The following LPCAT2 variants were observed in gnomAD, a reference collection of about 807,000 sequenced individuals.
LPCAT2 encodes 1-AGP acyltransferase 11.
In LPCAT2, 58 loss-of-function variants were observed where a neutral mutation model predicts 64.7. The ratio of observed to expected loss-of-function variants is 0.90; its 90% CI spans 0.73 to 1.12. LPCAT2 has a LOEUF of 1.12. LPCAT2 is among the 50% of genes most tolerant of loss of function. The pLI, the probability that LPCAT2 is intolerant of heterozygous loss-of-function variation, is 0.00. For missense variants in LPCAT2, 579 were observed against 669.8 expected, an observed-to-expected ratio of 0.86 and a Z score of 1.50; for synonymous variants, 252 against 245.3, an observed-to-expected ratio of 1.03 and a Z score of -0.26.
At chr16:55,549,136 A>G in intron 9 of LPCAT2, 141 bp from the exon 10 acceptor site, 1 of 587,446 alleles carries the variant, frequency 1.7e-6, no homozygotes, top group Non-Finnish European at 2.8e-6. Flanking sequence ...CTCTTTGTCA[A>G]GAAAAGCGAG....
intron 1 of LPCAT2, among the ~76,000 whole-genome samples, chr16:55,513,149 T>A (rs1453039519): frequency 6.6e-6 from 1 of 152,094 alleles, no homozygotes; most frequent in East Asian, 1.9e-4. Context: ...GACCCTAAGA[T>A]GATCAAATGT....
chr16:55,530,439 A>T (rs1256311344), intron 4 of LPCAT2, among the ~76,000 whole-genome samples: 2 of 150,546 alleles, frequency 1.3e-5, no homozygotes, highest in Non-Finnish European at 2.9e-5. Context: ...TCACCTGTAG[A>T]ACCTTTTTTC....
At position 55,579,120 on chromosome 16, in the gene LPCAT2, T is replaced by C. The variant is rs1421735914; in HGVS notation, c.1326T>C (p.Val442=). ...IIQVAFKLFD[V]DEDGYITEEE... ...TTTATTTTCTTCAGCTGTTTGACGTTGATGAGGATGGCTACATAACGGAGG... is the reference window on the plus strand; with the variant it reads ...TTTATTTTCTTCAGCTGTTTGACGTCGATGAGGATGGCTACATAACGGAGG... Residue 442 remains valine (V), a synonymous_variant, in exon 13 of 14, where the codon GTT becomes GTC. Transcript: ENST00000262134. 1 of 1,613,006 alleles carries C rather than the reference T, an allele frequency of 6.2e-7. No homozygotes were observed. The highest frequency in any genetic ancestry group is 1.1e-5 in the South Asian group (1 of 90,938).
Position 55,534,475 on chromosome 16 carries a change from A to G in LPCAT2, c.795A>G (p.Thr265=), listed in dbSNP as rs1199579899. 2 of 1,469,782 alleles carry G rather than the reference A, an allele frequency of 1.4e-6. No individual in the cohort carries two copies. Among genetic ancestry groups the G allele is most frequent in the African/African-American group, 2.8e-5 (2 of 70,740 alleles). 91.0% of individuals were successfully genotyped at this position (1,469,782 alleles called of 1,614,324 possible). A position where few individuals can be genotyped will look rare whatever the true frequency, so the allele number is the denominator to read the frequency against. The change falls in exon 7 of 14, where the codon ACA becomes ACG. Residue 265 remains threonine, a splice_region_variant and synonymous_variant. Coordinates refer to ENST00000262134, the MANE Select transcript of LPCAT2 (RefSeq NM_017839.5). ...TGACCTGGACATGGCAAGGATATACATTGTAAGTCACTTATGTCTATTATT... is the reference window on the plus strand; with the variant it reads ...TGACCTGGACATGGCAAGGATATACGTTGTAAGTCACTTATGTCTATTATT... ...DTVTWTWQGY[T]FIQLCMLTFC... is the part of the protein sequence containing the mutation.
intron 13 of LPCAT2, among the ~76,000 whole-genome samples, chr16:55,582,371 T>G (rs1963896471): frequency 6.6e-6 from 1 of 152,182 alleles, no homozygotes; most frequent in African/African-American, 2.4e-5. Flanking sequence ...AAATATTAAA[T>G]TTTAGTTTTG....
At chr16:55,529,465 T>C (rs1334114090) in intron 3 of LPCAT2, among the ~76,000 whole-genome samples, 1 of 152,206 alleles carries the variant, frequency 6.6e-6, no homozygotes, top group Non-Finnish European at 1.5e-5. Flanking sequence ...TGAGTAATGG[T>C]TACTCCTACT....
At chr16:55,514,255 C>T (rs765597249) in intron 1 of LPCAT2, among the ~76,000 whole-genome samples, 13 of 152,086 alleles carry the variant, frequency 8.5e-5, no homozygotes, top group Admixed American at 2.0e-4. Context: ...AGGCTATGCA[C>T]ATGTCCTGAA....
chr16:55,536,374 T>A (rs1308553684), intron 7 of LPCAT2, among the ~76,000 whole-genome samples: 1 of 152,172 alleles, frequency 6.6e-6, no homozygotes, highest in Non-Finnish European at 1.5e-5. Flanking sequence ...TATTCAGAAT[T>A]TTCAGAATAG....
In LPCAT2 at chr16:55,531,935, A is replaced by G; in HGVS notation, c.664A>G (p.Thr222Ala). 6.3e-7 allele frequency: 1 copy of G among 1,590,324 alleles called. No homozygotes were observed. Among genetic ancestry groups the G allele is most frequent in the Non-Finnish European group, 8.6e-7 (1 of 1,159,154 alleles). Residue 222 changes from threonine to alanine, a missense_variant, in exon 5 of 14, where the codon ACT (threonine) becomes GCT (alanine). Coordinates refer to ENST00000262134, the MANE Select transcript of LPCAT2 (RefSeq NM_017839.5). ...WPQILVFPEG[T>A]CTNRSCLITF... Reference sequence around the variant, plus strand: ...CAAGATACTAGTTTTCCCAGAAGGTACTTGTACTAATCGTTCCTGTTTGAT... The same window carrying G: ...CAAGATACTAGTTTTCCCAGAAGGTGCTTGTACTAATCGTTCCTGTTTGAT...
intron 9 of LPCAT2, 123 bp from the exon 10 acceptor site, chr16:55,549,154 G>A (rs1370995463): frequency 7.3e-6 from 5 of 689,434 alleles, no homozygotes; most frequent in Non-Finnish European, 1.2e-5. Context: ...GAGAGTTACT[G>A]GTTTAAAAAG....
At position 55,585,202 on chromosome 16, in the gene LPCAT2, C is replaced by G. The variant is rs1963931447; in HGVS notation, c.*2104C>G. On this transcript the variant is annotated 3_prime_UTR_variant, in exon 14 of 14. Coordinates refer to ENST00000262134, the MANE Select transcript of LPCAT2 (RefSeq NM_017839.5). The stretch of plus-strand genomic sequence containing the variant: ...AGCAATTAAAAAAATTCTGATTCTG[C>G]CATTTTGTCTCAAATGTAATATACC... 6.6e-6 allele frequency: 1 copy of G among 152,070 alleles called. No individual in the cohort carries two copies. Among genetic ancestry groups the G allele is most frequent in the African/African-American group, 2.4e-5 (1 of 41,438 alleles). 9.4% of individuals were successfully genotyped at this position (152,070 alleles called of 1,614,324 possible).
intron 13 of LPCAT2, among the ~76,000 whole-genome samples, chr16:55,581,262 T>C (rs1018619162): frequency 6.6e-6 from 1 of 152,236 alleles, no homozygotes; most frequent in Non-Finnish European, 1.5e-5. Flanking sequence ...GTCTCCGTCA[T>C]TGAAACAGAC....
At chr16:55,517,969 A>G (rs1281276617) in intron 1 of LPCAT2, among the ~76,000 whole-genome samples, 2 of 152,238 alleles carry the variant, frequency 1.3e-5, no homozygotes, top group African/African-American at 4.8e-5. Context: ...CGCTTAGGCC[A>G]GAAAAAGAAA....
chr16:55,549,982 A>T (rs2142398899), intron 10 of LPCAT2, among the ~76,000 whole-genome samples: 1 of 152,304 alleles, frequency 6.6e-6, no homozygotes, highest in Non-Finnish European at 1.5e-5. Flanking sequence ...CCCTTACTGC[A>T]GTTCATTCTG....
intron 5 of LPCAT2, 77 bp from the exon 6 acceptor site, chr16:55,532,747 C>G: frequency 2.2e-6 from 2 of 915,496 alleles, no homozygotes; most frequent in Admixed American, 3.8e-5. Flanking sequence ...TCTATTTATA[C>G]TATTTATTAA....
chr16:55,534,190 G>A (rs1963294227), intron 6 of LPCAT2, among the ~76,000 whole-genome samples: 1 of 152,012 alleles, frequency 6.6e-6, no homozygotes, highest in African/African-American at 2.4e-5. Context: ...ATGTAAAATA[G>A]TTTTTAAAAA....
Position 55,545,816 on chromosome 16 carries a change from G to A in LPCAT2, c.934G>A (p.Glu312Lys), listed in dbSNP as rs746867000. The A allele has an allele frequency of 1.9e-6, 3 of 1,599,642 alleles. No individual in the cohort carries two copies. The highest frequency in any genetic ancestry group is 2.6e-6 in the Non-Finnish European group (3 of 1,168,122). Reference protein sequence around the residue: ...FANKVRNLMAEALGIPVTDHT... With the variant: ...FANKVRNLMAKALGIPVTDHT... The stretch of plus-strand genomic sequence containing the variant: ...CAATAAAGTCCGGAATTTAATGGCA[G>A]AGTAAGTGTCTATATTTGATTATAA... The change falls in exon 9 of 14, where the codon GAA (glutamate) becomes AAA (lysine). Residue 312 changes from glutamate to lysine, a missense_variant and splice_region_variant. Glu to Lys is a moderately conservative substitution (Grantham distance 56). Coordinates refer to ENST00000262134, the MANE Select transcript of LPCAT2 (RefSeq NM_017839.5).
Position 55,528,458 on chromosome 16 carries a change from G to C in LPCAT2, c.393G>C (p.Lys131Asn). The change falls in exon 3 of 14, where the codon AAG becomes AAC. Residue 131 changes from lysine to asparagine, a missense_variant. Coordinates refer to ENST00000262134, the MANE Select transcript of LPCAT2 (RefSeq NM_017839.5). ...SMGFIVAVKGKIASPLEAPVF... is the reference protein window; with the variant it reads ...SMGFIVAVKGNIASPLEAPVF... ...GATTTATAGTTGCTGTAAAAGGAAA[G>C]ATTGCAAGTCCTTTGGAAGCACCAG... The C allele has an allele frequency of 6.2e-7, 1 of 1,613,990 alleles. No homozygotes were observed. Among genetic ancestry groups the C allele is most frequent in the East Asian group, 2.2e-5 (1 of 44,854 alleles).
chr16:55,560,367 A>G (rs1344909059), intron 11 of LPCAT2, among the ~76,000 whole-genome samples: 2 of 152,084 alleles, frequency 1.3e-5, no homozygotes, highest in African/African-American at 4.8e-5. Flanking sequence ...GGGAGTTGTG[A>G]GTCCTTCTGT....
Sources: gnomAD v4.1 joint callset for allele counts (sites outside exome capture counted in the v4.1 genomes callset) on GRCh38, gnomAD v4.1.1 for gene constraint, MANE v1.5 for transcripts, NCBI Gene and HGNC (gene_info 2026-07-23, HGNC 2026-07-21) for gene names.